The following SLC4A7 variants were observed in gnomAD, a reference collection of about 807,000 sequenced individuals.
The protein encoded by SLC4A7 is solute carrier family 4 member 7.
In SLC4A7, 51 loss-of-function variants were observed where a neutral mutation model predicts 137.6. That is an observed-to-expected ratio of 0.37 (90% CI 0.30 to 0.47). The LOEUF (loss-of-function observed/expected upper bound fraction) is 0.47, where lower values mean the gene tolerates loss of function less well. Ranked by LOEUF, SLC4A7 falls within the 20% of genes least tolerant of loss-of-function variation. SLC4A7 has a pLI of 1.00. For missense variants in SLC4A7, 1,247 were observed against 1,525.4 expected (o/e 0.82, Z 3.04); for synonymous variants, 542 against 518.6 (o/e 1.05, Z -0.61).
Position 27,391,753 on chromosome 3 carries a change from A to G in SLC4A7, c.3173T>C (p.Leu1058Ser). 1 of 1,581,672 alleles carries G rather than the reference A, an allele frequency of 6.3e-7. No homozygotes were observed. The highest frequency in any genetic ancestry group is 8.6e-7 in the Non-Finnish European group (1 of 1,156,762). The change falls in exon 21 of 26, where the codon TTA (leucine) becomes TCA (serine). Residue 1058 changes from leucine (L) to serine (S), a missense_variant. Transcript: ENST00000454389. ...GVFLYMGVSS[L>S]KGIQLFDRIK... ...CTTAAAACTTGCCTGGATTCCTTTT[A>G]ATGAGGAAACTCCCATATAAAGGAA... is the stretch of plus-strand genomic sequence containing the variant.
intron 19 of SLC4A7, 66 bp downstream of exon 19, chr3:27,394,888 A>G (rs1356136828): frequency 6.5e-7 from 1 of 1,537,384 alleles, no homozygotes; most frequent in Admixed American, 2.0e-5. Flanking sequence ...TTAATGTTCT[A>G]ATCATTACAA....
intron 22 of SLC4A7, among the ~76,000 whole-genome samples, chr3:27,386,882 T>A (rs552176244): frequency 6.6e-6 from 1 of 152,276 alleles, no homozygotes; most frequent in South Asian, 2.1e-4. Context: ...CTGAACATGG[T>A]CTCAGATAAG....
intron 20 of SLC4A7, among the ~76,000 whole-genome samples, chr3:27,393,696 T>C (rs1282878730): frequency 6.6e-6 from 1 of 152,206 alleles, no homozygotes; most frequent in Non-Finnish European, 1.5e-5. Context: ...ATATCATTTA[T>C]GTGTTCCCAG....
chr3:27,480,896 TA>T (rs1298465400), intron 1 of SLC4A7, among the ~76,000 whole-genome samples: 1 of 152,126 alleles, frequency 6.6e-6, no homozygotes, highest in East Asian at 1.9e-4. Flanking sequence ...TACGCCAAAA[TA>T]AACTCAGCGA....
At chr3:27,465,634 G>A (rs969621852) in intron 1 of SLC4A7, among the ~76,000 whole-genome samples, 1 of 152,026 alleles carries the variant, frequency 6.6e-6, no homozygotes, top group Admixed American at 6.6e-5. Context: ...AAAGCAGGGG[G>A]AAACCGAGAA....
intron 1 of SLC4A7, among the ~76,000 whole-genome samples, chr3:27,458,767 G>T (rs1219743911): frequency 1.3e-5 from 2 of 152,158 alleles, no homozygotes; most frequent in African/African-American, 4.8e-5. Flanking sequence ...GAGGTGGGCA[G>T]ATTACCTGAG....
In SLC4A7 at chr3:27,437,487, T is replaced by G; in HGVS notation, c.329A>C (p.Glu110Ala). ...GGGAATATGTTCTTCATCATCATCT[T>G]CAGTACCAAGGATAAACTGAACTCT... ...SQRVQFILGTEDDDEEHIPHD... is the reference protein window; with the variant it reads ...SQRVQFILGTADDDEEHIPHD... Residue 110 changes from glutamate to alanine, a missense_variant, in exon 4 of 26, where the codon GAA becomes GCA. Around this residue, in one of 6 missense-constraint regions of SLC4A7, gnomAD observed 176 missense variants for 186.4 expected, o/e 0.94. Coordinates refer to ENST00000454389, the MANE Select transcript of SLC4A7 (RefSeq NM_001321103.2). 1 of 1,599,380 alleles carries G rather than the reference T, an allele frequency of 6.3e-7. No homozygotes were observed. The highest frequency in any genetic ancestry group is 8.5e-7 in the Non-Finnish European group (1 of 1,170,908).
chr3:27,475,994 T>G (rs1288748660), intron 1 of SLC4A7, among the ~76,000 whole-genome samples: 6 of 152,190 alleles, frequency 3.9e-5, no homozygotes, highest in Non-Finnish European at 8.8e-5. Flanking sequence ...AAGTAATAAT[T>G]GTAAAGAATA....
At chr3:27,475,358 A>G (rs757600727) in intron 1 of SLC4A7, among the ~76,000 whole-genome samples, 3 of 151,010 alleles carry the variant, frequency 2.0e-5, no homozygotes, top group Non-Finnish European at 4.4e-5. Flanking sequence ...AGATAAGTTT[A>G]ATAGAGTAAT....
chr3:27,409,390 C>A lies in SLC4A7; in HGVS notation c.1907G>T (p.Gly636Val). Residue 636 changes from glycine to valine, a missense_variant, in exon 13 of 26, where the codon GGA becomes GTA. Gly to Val is a moderately radical substitution (Grantham distance 109, BLOSUM62 -3). Coordinates refer to ENST00000454389, the MANE Select transcript of SLC4A7 (RefSeq NM_001321103.2). ...TTCTGTAGCTTCTCCAAGCAGCCCT[C>A]CAAAAGTGATTACAGGAGACATACA... is the stretch of plus-strand genomic sequence containing the variant. ...CACMSPVITF[G>V]GLLGEATEGR... The A allele has an allele frequency of 6.2e-7, 1 of 1,613,218 alleles. No individual in the cohort carries two copies. The highest frequency in any genetic ancestry group is 8.5e-7 in the Non-Finnish European group (1 of 1,179,628).
chr3:27,458,682 A>G (rs2058538349), intron 1 of SLC4A7, among the ~76,000 whole-genome samples: 1 of 152,218 alleles, frequency 6.6e-6, no homozygotes, highest in African/African-American at 2.4e-5. Flanking sequence ...GAACATCTGC[A>G]AACAATCAGG....
intron 7 of SLC4A7, among the ~76,000 whole-genome samples, chr3:27,425,370 TAAAAAAAA>T (rs56153970): frequency 5.3e-5 from 3 of 56,996 alleles, no homozygotes; most frequent in Non-Finnish European, 8.6e-5. Context: ...AACTCCGTCC[TAAAAAAAA>T]AAAAAAAAAA....
At chr3:27,473,216 T>C (rs2059326725) in intron 1 of SLC4A7, among the ~76,000 whole-genome samples, 3 of 152,110 alleles carry the variant, frequency 2.0e-5, no homozygotes, top group Admixed American at 2.0e-4. Flanking sequence ...AGAGGACCAC[T>C]TGAGCCCAGG....
intron 13 of SLC4A7, 72 bp downstream of exon 13, chr3:27,409,284 G>T: frequency 8.5e-7 from 1 of 1,175,318 alleles, no homozygotes; most frequent in Non-Finnish European, 1.2e-6. Flanking sequence ...AGTATGAATA[G>T]TGAGACAAAT....
At chr3:27,457,701 G>T (rs934046580) in intron 1 of SLC4A7, among the ~76,000 whole-genome samples, 8 of 152,112 alleles carry the variant, frequency 5.3e-5, no homozygotes, top group Non-Finnish European at 2.9e-5. Context: ...TGTTCACAGG[G>T]TATTAGAGCT....
rs532718531 is a variant in SLC4A7, at chr3:27,377,689, G to A, written c.3699-844C>T. 8.3e-4 allele frequency among the ~76,000 whole-genome samples: 126 copies of A among 152,256 alleles called. 1 individual carries two copies. Among genetic ancestry groups the A allele is most frequent in the Non-Finnish European group, 9.7e-4 (66 of 68,004 alleles). On this transcript the variant is annotated intron_variant, in intron 25 of 25. Transcript: ENST00000454389. The stretch of plus-strand genomic sequence containing the variant: ...ATTACAGGCCTGAACCACTGCACCC[G>A]GCCAACCTATTCTATATTTTCAAGT...
rs865911662 is a variant in SLC4A7, at chr3:27,442,990, G to C, written c.290-5464C>G. Among the ~76,000 whole-genome samples, 4 of 151,046 alleles carry C rather than the reference G, an allele frequency of 2.6e-5. No individual in the cohort carries two copies. The South Asian group carries it at 8.4e-4, about 32-fold the overall frequency. ...ACTTGGCTGTCTCACTAGGGTTACA[G>C]GCATTAGCCACCGCGCTGGGCATTC... is the stretch of plus-strand genomic sequence containing the variant. On this transcript the variant is annotated intron_variant, in intron 3 of 25. Coordinates refer to ENST00000454389, the MANE Select transcript of SLC4A7 (RefSeq NM_001321103.2).
chr3:27,376,166 T>A lies in SLC4A7; in HGVS notation c.*598A>T, dbSNP rs1031971496. On this transcript the variant is annotated 3_prime_UTR_variant, in exon 26 of 26. Transcript: ENST00000454389. ...TGAAGGTTTTAAGATTTAAAAAAAA[T>A]TTAAACATAAAAGTTAAAAACTATC... 2.6e-5 allele frequency: 4 copies of A among 152,194 alleles called. No individual in the cohort carries two copies. The highest frequency in any genetic ancestry group is 1.9e-4 in the East Asian group (1 of 5,192). 9.4% of individuals were successfully genotyped at this position (152,194 alleles called of 1,614,324 possible).
intron 20 of SLC4A7, among the ~76,000 whole-genome samples, chr3:27,392,164 A>C (rs2051626130): frequency 6.6e-6 from 1 of 152,226 alleles, no homozygotes; most frequent in South Asian, 2.1e-4. Context: ...GATACATATT[A>C]AGCACACAAA....
Sources: gnomAD v4.1 joint callset for allele counts (sites outside exome capture counted in the v4.1 genomes callset) on GRCh38, gnomAD v4.1.1 for gene constraint, gnomAD v4.1.1 regional missense constraint, MANE v1.5 for transcripts, NCBI Gene and HGNC (gene_info 2026-07-23, HGNC 2026-07-21) for gene names.